The following CCDC172 variants were observed in gnomAD, a reference collection of about 807,000 sequenced individuals.
The protein encoded by CCDC172 is coiled-coil domain-containing protein 172.
CCDC172 carries 30 observed loss-of-function variants against 38.0 expected under a neutral mutation model. The observed-to-expected ratio is 0.79, with a 90% CI of 0.59 to 1.07. The LOEUF (loss-of-function observed/expected upper bound fraction) is 1.07. CCDC172 is among the 50% of genes least tolerant of loss of function. CCDC172 has a pLI of 0.00. For missense variants in CCDC172, 297 were observed against 290.1 expected (o/e 1.02, Z -0.17); for synonymous variants, 78 against 88.3 (o/e 0.88, Z 0.66).
At chr10:116,326,719 A>AT (rs559305925) in intron 3 of CCDC172, among the ~76,000 whole-genome samples, 8 of 152,098 alleles carry the variant, frequency 5.3e-5, no homozygotes, top group African/African-American at 1.9e-4. Flanking sequence ...CGTATCTGGA[A>AT]TTTTTTTCCT....
intron 3 of CCDC172, among the ~76,000 whole-genome samples, chr10:116,335,463 T>C (rs1457290584): frequency 6.6e-6 from 1 of 151,800 alleles, no homozygotes. Context: ...ATTTTCCTGA[T>C]TCTTTTCATA....
At chr10:116,344,435 A>G (rs1256335639) in intron 5 of CCDC172, among the ~76,000 whole-genome samples, 3 of 152,218 alleles carry the variant, frequency 2.0e-5, no homozygotes, top group Non-Finnish European at 1.5e-5. Context: ...CTACCTAAAC[A>G]TATATAAATC....
At chr10:116,374,029 A>G (rs1845216285) in intron 7 of CCDC172, among the ~76,000 whole-genome samples, 2 of 152,170 alleles carry the variant, frequency 1.3e-5, no homozygotes, top group African/African-American at 2.4e-5. Flanking sequence ...GAGTAGCATG[A>G]TAAACTCCTG....
chr10:116,355,893 A>G (rs1319826164), intron 5 of CCDC172, among the ~76,000 whole-genome samples: 1 of 152,194 alleles, frequency 6.6e-6, no homozygotes, highest in Non-Finnish European at 1.5e-5. Flanking sequence ...CCAAAATTAT[A>G]TAATGGTAAT....
At chr10:116,365,108 G>A (rs963286769) in intron 7 of CCDC172, among the ~76,000 whole-genome samples, 2 of 152,158 alleles carry the variant, frequency 1.3e-5, no homozygotes, top group African/African-American at 4.8e-5. Context: ...ATGCACTGAA[G>A]CATGAGATCT....
chr10:116,349,405 T>G (rs1844904429), intron 5 of CCDC172, among the ~76,000 whole-genome samples: 1 of 152,184 alleles, frequency 6.6e-6, no homozygotes, highest in Non-Finnish European at 1.5e-5. Flanking sequence ...GGTGATCTAG[T>G]TAACTTTTTC....
intron 7 of CCDC172, among the ~76,000 whole-genome samples, chr10:116,374,756 T>C (rs1845225891): frequency 6.6e-6 from 1 of 152,044 alleles, no homozygotes; most frequent in African/African-American, 2.4e-5. Flanking sequence ...AATTCAGCCA[T>C]ATGAATAACT....
At chr10:116,328,173 A>G (rs1027300788) in intron 3 of CCDC172, among the ~76,000 whole-genome samples, 3 of 152,078 alleles carry the variant, frequency 2.0e-5, no homozygotes, top group Admixed American at 6.6e-5. Context: ...TAGAACTTGA[A>G]TGATAGCATT....
rs920588184 is a variant in CCDC172, at chr10:116,354,508, G to A, written c.449-2872G>A. On this transcript the variant is annotated intron_variant, in intron 5 of 8. Coordinates refer to ENST00000333254, the MANE Select transcript of CCDC172 (RefSeq NM_198515.3). ...GGAGGCTGAGGCAGGCAGATTGCCT[G>A]AGCTCAGGAGTTTGAGACCAGCCTG... Among the ~76,000 whole-genome samples, 10 of 151,886 alleles carry A rather than the reference G, an allele frequency of 6.6e-5. No homozygotes were observed. The East Asian group carries it at 1.9e-3, about 30-fold the overall frequency.
rs375520656 is a variant in CCDC172 at position 116,343,837 on chromosome 10, G to A, written c.448+1636G>A. ...AACTTCTTGGCCCTATACTTTGACT[G>A]AATGGTTCTCTGAGGCATCACCTTG... On this transcript the variant is annotated intron_variant, in intron 5 of 8. Coordinates refer to ENST00000333254, the MANE Select transcript of CCDC172 (RefSeq NM_198515.3). 7.2e-5 allele frequency among the ~76,000 whole-genome samples: 11 copies of A among 152,226 alleles called. No homozygotes were observed. In the South Asian group the frequency reaches 8.3e-4, roughly 11 times the overall value.
intron 7 of CCDC172, among the ~76,000 whole-genome samples, chr10:116,376,791 C>A (rs184859583): frequency 3.5e-4 from 53 of 152,252 alleles, no homozygotes; most frequent in African/African-American, 1.2e-3. Context: ...AGGAAGAATT[C>A]TCTACCCTTT....
At chr10:116,361,063 T>C (rs1225448497) in intron 7 of CCDC172, among the ~76,000 whole-genome samples, 1 of 141,634 alleles carries the variant, frequency 7.1e-6, no homozygotes, top group Non-Finnish European at 1.6e-5. Flanking sequence ...TTATTATTAT[T>C]ATTATTATTA....
At chr10:116,325,878 G>A (rs574413162) in intron 3 of CCDC172, among the ~76,000 whole-genome samples, 2 of 152,238 alleles carry the variant, frequency 1.3e-5, no homozygotes, top group South Asian at 4.1e-4. Context: ...TTCCTGCAGC[G>A]TTTGTAATGT....
At chr10:116,325,831 C>A (rs1219885426) in intron 3 of CCDC172, among the ~76,000 whole-genome samples, 1 of 152,184 alleles carries the variant, frequency 6.6e-6, no homozygotes, top group Non-Finnish European at 1.5e-5. Flanking sequence ...ACATGCCTTG[C>A]GTCCGAAGTA....
rs1469799265 is a variant in CCDC172, at chr10:116,378,490, G to GA, written c.724dup (p.Ile242AsnfsTer34). ...AAGTGTTTATGAAGCTCTCCAAACA[G>GA]AAATAGAATTTTTGGAGTTGGTAAG... On this transcript the variant is annotated frameshift_variant, in exon 8 of 9. Transcript: ENST00000333254. LOFTEE classifies it high-confidence loss of function. 1 of 1,604,188 alleles carries GA rather than the reference G, an allele frequency of 6.2e-7. No individual in the cohort carries two copies. The highest frequency in any genetic ancestry group is 1.3e-5 in the African/African-American group (1 of 74,374).
rs763587186 is a variant in CCDC172 at position 116,357,852 on chromosome 10, G to C, written c.567G>C (p.Glu189Asp). ...QRKLKVFEDEENESICTTKYL... is the reference protein window; with the variant it reads ...QRKLKVFEDEDNESICTTKYL... Reference sequence around the variant, plus strand: ...TTTGTTTAGTTTTTGAAGATGAAGAGAATGAATCCATTTGTACTACCAAAT... The same window carrying C: ...TTTGTTTAGTTTTTGAAGATGAAGACAATGAATCCATTTGTACTACCAAAT... The change falls in exon 7 of 9, where the codon GAG becomes GAC. Residue 189 changes from glutamate to aspartate, a missense_variant. By Grantham distance (45) the Glu-to-Asp change is conservative. Coordinates refer to ENST00000333254, the MANE Select transcript of CCDC172 (RefSeq NM_198515.3). 1.3e-6 allele frequency: 2 copies of C among 1,505,908 alleles called. No homozygotes were observed. The highest frequency in any genetic ancestry group is 1.2e-5 in the South Asian group (1 of 82,338). 93.3% of individuals were successfully genotyped at this position (1,505,908 alleles called of 1,614,324 possible).
intron 7 of CCDC172, among the ~76,000 whole-genome samples, chr10:116,359,619 A>G (rs1845039821): frequency 6.6e-6 from 1 of 152,186 alleles, no homozygotes; most frequent in Non-Finnish European, 1.5e-5. Context: ...CAGACATTGC[A>G]AAATGTCCGC....
chr10:116,366,499 T>C (rs1845124453), intron 7 of CCDC172, among the ~76,000 whole-genome samples: 1 of 152,216 alleles, frequency 6.6e-6, no homozygotes, highest in African/African-American at 2.4e-5. Flanking sequence ...AATTATATTA[T>C]ACTATCTGGG....
intron 4 of CCDC172, among the ~76,000 whole-genome samples, chr10:116,341,694 T>A (rs1281966906): frequency 6.6e-6 from 1 of 151,916 alleles, no homozygotes; most frequent in Non-Finnish European, 1.5e-5. Context: ...GCCATTTAAT[T>A]ACTTTACTCT....
Sources: allele counts gnomAD v4.1 joint callset (sites outside exome capture counted in the v4.1 genomes callset), GRCh38; gene constraint gnomAD v4.1.1; transcripts MANE v1.5; gene names NCBI Gene and HGNC (gene_info 2026-07-23, HGNC 2026-07-21).